NR3C2: variants seen among roughly 807,000 people sequenced by gnomAD.
NR3C2 encodes mineralocorticoid receptor.
NR3C2 carries 15 observed loss-of-function variants against 86.4 expected under a neutral mutation model. That is an observed-to-expected ratio of 0.17 (90% CI 0.12 to 0.27). The LOEUF (loss-of-function observed/expected upper bound fraction) is 0.27, where lower values mean the gene tolerates loss of function less well. NR3C2 is among the 10% of genes least tolerant of loss of function. The pLI, the probability that NR3C2 is intolerant of heterozygous loss-of-function variation, is 1.00. For missense variants in NR3C2, 960 were observed against 1,195.6 expected (o/e 0.80, Z 2.91); for synonymous variants, 458 against 450.5 (o/e 1.02, Z -0.21).
chr4:148,117,970 A>G (rs1434596861), intron 7 of NR3C2, among the ~76,000 whole-genome samples: 1 of 152,138 alleles, frequency 6.6e-6, no homozygotes, highest in African/African-American at 2.4e-5. Flanking sequence ...GCAGGCTCTT[A>G]ACATCTGGAA....
chr4:148,255,086 C>T lies in NR3C2; in HGVS notation c.1897+4892G>A, dbSNP rs185944812. Among the ~76,000 whole-genome samples the T allele has an allele frequency of 3.4e-3, 510 of 151,784 alleles. 4 individuals carry two copies. The highest frequency in any genetic ancestry group is 0.012 in the African/African-American group (481 of 41,318). ...AAATGCTCACTGCCCCCCCCCAACA[C>T]ACACCTCCCACCTGCTGGCACCCTC... is the stretch of plus-strand genomic sequence containing the variant. On this transcript the variant is annotated intron_variant, in intron 3 of 8. Transcript: ENST00000358102.
At chr4:148,215,336 G>A (rs1408189785) in intron 3 of NR3C2, among the ~76,000 whole-genome samples, 1 of 152,204 alleles carries the variant, frequency 6.6e-6, no homozygotes, top group Non-Finnish European at 1.5e-5. Flanking sequence ...AAACTGCAAT[G>A]TTATTAAATG....
intron 4 of NR3C2, among the ~76,000 whole-genome samples, chr4:148,164,460 C>T (rs536697487): frequency 2.0e-4 from 30 of 152,112 alleles, no homozygotes; most frequent in Non-Finnish European, 3.8e-4. Context: ...AGAGTATCTG[C>T]TTTGTAAATT....
At chr4:148,219,766 T>A (rs1737736730) in intron 3 of NR3C2, among the ~76,000 whole-genome samples, 1 of 152,238 alleles carries the variant, frequency 6.6e-6, no homozygotes, top group Non-Finnish European at 1.5e-5. Context: ...CTCATTATTT[T>A]AAAAATTTTA....
At chr4:148,199,077 T>C (rs1328942772) in intron 3 of NR3C2, among the ~76,000 whole-genome samples, 1 of 102,180 alleles carries the variant, frequency 9.8e-6, no homozygotes, top group Non-Finnish European at 1.8e-5. Flanking sequence ...TGAGACTCCA[T>C]CTCAAAAAAA....
intron 6 of NR3C2, among the ~76,000 whole-genome samples, chr4:148,144,129 C>T (rs1190233928): frequency 1.3e-5 from 2 of 152,084 alleles, no homozygotes; most frequent in Non-Finnish European, 2.9e-5. Flanking sequence ...CTCAGAAGCA[C>T]CAATGCAGCA....
chr4:148,402,914 A>G (rs1748241091), intron 2 of NR3C2, among the ~76,000 whole-genome samples: 1 of 152,116 alleles, frequency 6.6e-6, no homozygotes, highest in Admixed American at 6.5e-5. Flanking sequence ...GTCTTAAAGG[A>G]TACACAATAG....
intron 2 of NR3C2, among the ~76,000 whole-genome samples, chr4:148,318,338 G>C (rs1244183138): frequency 2.6e-5 from 4 of 151,894 alleles, no homozygotes; most frequent in Non-Finnish European, 5.9e-5. Flanking sequence ...ATAAACATAT[G>C]TGTCCATGTG....
intron 2 of NR3C2, among the ~76,000 whole-genome samples, chr4:148,299,562 G>C (rs1034024834): frequency 2.4e-4 from 36 of 152,218 alleles, no homozygotes; most frequent in Non-Finnish European, 8.8e-5. Flanking sequence ...CCAAAGGCCT[G>C]TGTGGCAGGC....
At chr4:148,443,888 C>T, upstream of NR3C2, 1 of 634,342 alleles carries the variant, frequency 1.6e-6, no homozygotes, top group African/African-American at 2.0e-5. Flanking sequence ...GACTTGAACT[C>T]TCAGCCGCTC....
At chr4:148,317,953 C>T (rs2149946866) in intron 2 of NR3C2, among the ~76,000 whole-genome samples, 1 of 150,970 alleles carries the variant, frequency 6.6e-6, no homozygotes, top group East Asian at 2.0e-4. Context: ...TATACATGTG[C>T]CATGCTGGTG....
At chr4:148,180,281 G>C (rs4835494) in intron 4 of NR3C2, among the ~76,000 whole-genome samples, 27,508 of 151,586 alleles carry the variant, frequency 0.18, 2,943 homozygotes, top group Middle Eastern at 0.31. Flanking sequence ...TCTGGGTTTG[G>C]TGTGGCAGTC....
chr4:148,397,245 A>G (rs942322246), intron 2 of NR3C2, among the ~76,000 whole-genome samples: 1 of 152,136 alleles, frequency 6.6e-6, no homozygotes, highest in Non-Finnish European at 1.5e-5. Flanking sequence ...GGGTGGCCTC[A>G]CTCCTGACAC....
chr4:148,359,846 A>C (rs1579203762), intron 2 of NR3C2, among the ~76,000 whole-genome samples: 1 of 152,188 alleles, frequency 6.6e-6, no homozygotes, highest in Non-Finnish European at 1.5e-5. Flanking sequence ...TGTACAGGAG[A>C]GCTAAATCTT....
At chr4:148,152,339 T>G (rs1734139280) in intron 6 of NR3C2, 130 bp downstream of exon 6, 2 of 996,518 alleles carry the variant, frequency 2.0e-6, no homozygotes, top group Admixed American at 4.5e-5. Context: ...ATCTGTAAAT[T>G]TTTAACGTTA....
At chr4:148,237,891 C>T (rs1202745744) in intron 3 of NR3C2, among the ~76,000 whole-genome samples, 2 of 152,086 alleles carry the variant, frequency 1.3e-5, no homozygotes, top group Non-Finnish European at 2.9e-5. Flanking sequence ...ATGACACCAA[C>T]TTAAATACTG....
chr4:148,323,287 TCAGA>T (rs1367535334), intron 2 of NR3C2, among the ~76,000 whole-genome samples: 1 of 143,718 alleles, frequency 7.0e-6, no homozygotes. Context: ...TTCAAAGCTG[TCAGA>T]CAGGGACATT....
intron 2 of NR3C2, among the ~76,000 whole-genome samples, chr4:148,348,268 G>A (rs1745099969): frequency 6.6e-6 from 1 of 152,076 alleles, no homozygotes; most frequent in South Asian, 2.1e-4. Flanking sequence ...CCACAAACAT[G>A]ATGTTACAAT....
At chr4:148,332,571 C>T (rs1378789106) in intron 2 of NR3C2, among the ~76,000 whole-genome samples, 2 of 152,138 alleles carry the variant, frequency 1.3e-5, no homozygotes, top group African/African-American at 2.4e-5. Flanking sequence ...TCAAGATGCT[C>T]CGTACCAAAA....
Sources: allele counts gnomAD v4.1 joint callset (sites outside exome capture counted in the v4.1 genomes callset), GRCh38; gene constraint gnomAD v4.1.1; transcripts MANE v1.5; gene names NCBI Gene and HGNC (gene_info 2026-07-23, HGNC 2026-07-21).